Variants in PTPRD observed in about 807,000 individuals in gnomAD.
PTPRD encodes the protein receptor-type tyrosine-protein phosphatase delta.
A neutral mutation model predicts 214.5 loss-of-function variants in PTPRD; 34 were observed. The ratio of observed to expected loss-of-function variants is 0.16; its 90% confidence interval spans 0.12 to 0.21. The LOEUF (loss-of-function observed/expected upper bound fraction) is 0.21. Among genes scored for constraint, PTPRD ranks in the 10% least tolerant of loss-of-function variants. PTPRD has a pLI of 1.00. For missense variants in PTPRD, 2,545 were observed against 2,398.7 expected (o/e 1.06, Z -1.27); for synonymous variants, 1,128 against 845.7 (o/e 1.33, Z -5.79).
intron 10 of PTPRD, among the ~76,000 whole-genome samples, chr9:9,104,282 T>G (rs527331239): frequency 6.6e-6 from 1 of 152,274 alleles, no homozygotes; most frequent in South Asian, 2.1e-4. Flanking sequence ...TCAAAATTCA[T>G]GTAATTATCA....
chr9:9,274,610 A>T (rs577445461), intron 9 of PTPRD, among the ~76,000 whole-genome samples: 2 of 151,200 alleles, frequency 1.3e-5, no homozygotes, highest in African/African-American at 2.4e-5. Context: ...TCTTCATCCA[A>T]CTTTTCTTTT....
chr9:8,784,662 G>T (rs535647683), intron 11 of PTPRD, among the ~76,000 whole-genome samples: 103 of 151,892 alleles, frequency 6.8e-4, no homozygotes, highest in African/African-American at 2.4e-3. Context: ...TTTTTAAAGC[G>T]TGAATAAATT....
intron 3 of PTPRD, among the ~76,000 whole-genome samples, chr9:10,091,240 T>C (rs2098426336): frequency 6.6e-6 from 1 of 151,586 alleles, no homozygotes; most frequent in Admixed American, 6.6e-5. Flanking sequence ...TTAACTCTCT[T>C]CTTTCATAAA....
chr9:8,317,844 T>C lies in PTPRD; in HGVS notation c.*30A>G, dbSNP rs375242845. On this transcript the variant is annotated 3_prime_UTR_variant, in exon 46 of 46. Coordinates refer to ENST00000381196, the MANE Select transcript of PTPRD (RefSeq NM_002839.4). ...GACTCCATGGATATTGAAGGGCCTG[T>C]AGTAAAAATCCAGAATGGGTCAGGG... 17 of 1,603,750 alleles carry C rather than the reference T, an allele frequency of 1.1e-5. No individual in the cohort carries two copies. The highest frequency in any genetic ancestry group is 2.2e-5 in the South Asian group (2 of 90,854).
intron 12 of PTPRD, among the ~76,000 whole-genome samples, chr9:8,641,768 T>A (rs1256073570): frequency 1.3e-5 from 2 of 152,210 alleles, no homozygotes; most frequent in Non-Finnish European, 2.9e-5. Flanking sequence ...AACTGCGCAC[T>A]GATTTTTGCT....
chr9:9,568,244 C>G (rs1211512957), intron 8 of PTPRD, among the ~76,000 whole-genome samples: 1 of 151,840 alleles, frequency 6.6e-6, no homozygotes, highest in African/African-American at 2.4e-5. Context: ...AAATTTAAAG[C>G]TTGAAAGGAT....
intron 9 of PTPRD, among the ~76,000 whole-genome samples, chr9:9,242,685 G>C (rs1196490843): frequency 6.6e-6 from 1 of 152,070 alleles, no homozygotes; most frequent in Non-Finnish European, 1.5e-5. Flanking sequence ...ATGGTTTTCA[G>C]CTCCATCAGG....
intron 10 of PTPRD, among the ~76,000 whole-genome samples, chr9:9,019,646 C>A (rs977879321): frequency 6.6e-6 from 1 of 152,154 alleles, no homozygotes; most frequent in Non-Finnish European, 1.5e-5. Context: ...GCGGAGGTTG[C>A]GGTGAGCCAA....
chr9:9,103,796 C>G (rs1591669033), intron 10 of PTPRD, among the ~76,000 whole-genome samples: 3 of 152,018 alleles, frequency 2.0e-5, no homozygotes, highest in Admixed American at 2.0e-4. Context: ...GCTTGGGCAA[C>G]ACGATGAAAC....
intron 2 of PTPRD, among the ~76,000 whole-genome samples, chr9:10,460,054 C>T (rs73390370): frequency 0.022 from 3,325 of 151,910 alleles, 105 homozygotes; most frequent in African/African-American, 0.068. Flanking sequence ...AGATGGATGG[C>T]GGTGATGGTT....
chr9:9,082,260 C>A (rs745951573), intron 10 of PTPRD, among the ~76,000 whole-genome samples: 2 of 152,062 alleles, frequency 1.3e-5, no homozygotes, highest in Non-Finnish European at 2.9e-5. Context: ...TTATCCACCA[C>A]GACCAAGTTA....
intron 8 of PTPRD, among the ~76,000 whole-genome samples, chr9:9,485,821 C>G (rs2095604673): frequency 1.3e-5 from 2 of 152,206 alleles, no homozygotes; most frequent in African/African-American, 4.8e-5. Context: ...CTCCACTAGA[C>G]CCTTCCCATC....
chr9:10,250,616 A>G (rs1162793330), intron 3 of PTPRD, among the ~76,000 whole-genome samples: 1 of 152,066 alleles, frequency 6.6e-6, no homozygotes, highest in Admixed American at 6.6e-5. Context: ...TGAACACAAA[A>G]TATTTTAGTT....
chr9:9,630,789 A>C (rs1394106367), intron 7 of PTPRD, among the ~76,000 whole-genome samples: 1 of 152,162 alleles, frequency 6.6e-6, no homozygotes, highest in Non-Finnish European at 1.5e-5. Flanking sequence ...CTGGTGCCAC[A>C]AATAAGATTG....
chr9:8,750,859 T>C (rs1241630355), intron 11 of PTPRD, among the ~76,000 whole-genome samples: 1 of 152,176 alleles, frequency 6.6e-6, no homozygotes, highest in African/African-American at 2.4e-5. Context: ...CTTTATGCTA[T>C]GGAGTGACAC....
At chr9:9,841,377 T>C (rs1438146677) in intron 5 of PTPRD, among the ~76,000 whole-genome samples, 2 of 152,132 alleles carry the variant, frequency 1.3e-5, no homozygotes, top group Non-Finnish European at 2.9e-5. Context: ...CTTTTTTTTC[T>C]AAGTCTTCTG....
chr9:8,510,103 G>C (rs745697148), intron 21 of PTPRD, among the ~76,000 whole-genome samples: 7 of 151,970 alleles, frequency 4.6e-5, no homozygotes, highest in African/African-American at 1.7e-4. Flanking sequence ...AGGCAACATA[G>C]CAAAACCCTG....
At chr9:8,409,880 C>CA (rs1564611884) in intron 35 of PTPRD, among the ~76,000 whole-genome samples, 3 of 152,158 alleles carry the variant, frequency 2.0e-5, no homozygotes, top group Non-Finnish European at 4.4e-5. Flanking sequence ...AACCATGGGT[C>CA]AGACTAACCA....
At chr9:10,392,411 C>G (rs560549343) in intron 2 of PTPRD, among the ~76,000 whole-genome samples, 1 of 151,700 alleles carries the variant, frequency 6.6e-6, no homozygotes, top group Non-Finnish European at 1.5e-5. Context: ...GGGAGTCAGC[C>G]CCATTCTGAA....
Sources: allele counts gnomAD v4.1 joint callset (sites outside exome capture counted in the v4.1 genomes callset), GRCh38; gene constraint gnomAD v4.1.1; transcripts MANE v1.5; gene names NCBI Gene and HGNC (gene_info 2026-07-23, HGNC 2026-07-21).